Variants in IL6R observed in about 807,000 individuals in gnomAD.
IL6R encodes the protein interleukin 6 receptor.
IL6R carries 38 observed loss-of-function variants against 48.3 expected under a neutral mutation model. That is an observed-to-expected ratio of 0.79 (90% CI 0.61 to 1.03). The LOEUF is 1.03. Ranked by LOEUF, IL6R falls within the 50% of genes least tolerant of loss-of-function variation. The pLI is 0.00. For missense variants in IL6R, 534 were observed against 618.3 expected (o/e 0.86, Z 1.45); for synonymous variants, 264 against 256.2 (o/e 1.03, Z -0.29).
At chr1:154,416,703 G>T (rs1467118290) in intron 1 of IL6R, among the ~76,000 whole-genome samples, 1 of 152,128 alleles carries the variant, frequency 6.6e-6, no homozygotes, top group Non-Finnish European at 1.5e-5. Flanking sequence ...GGGGAGCGGA[G>T]GGGGTGGGGA....
At chr1:154,444,354 AT>A (rs1690096813) in intron 6 of IL6R, among the ~76,000 whole-genome samples, 1 of 152,100 alleles carries the variant, frequency 6.6e-6, no homozygotes, top group African/African-American at 2.4e-5. Context: ...GATTACAGGC[AT>A]GCGCCATCAT....
rs1030191579 is a variant in IL6R at position 154,405,822 on chromosome 1, G to A, written c.85+108G>A. On this transcript the variant is annotated intron_variant, in intron 1 of 9. Coordinates refer to ENST00000368485, the MANE Select transcript of IL6R (RefSeq NM_000565.4). This position sits in a 1 kb window ranked among gnomAD's most constrained non-coding sequence, Gnocchi z 5.2. ...CTGGAGGGAGGAAAGGAGGTGCGAC[G>A]GATCCCCTTTTCTGTGGCTGCCTTG... 4.8e-6 allele frequency: 4 copies of A among 841,912 alleles called. No individual in the cohort carries two copies. Among genetic ancestry groups the A allele is most frequent in the Non-Finnish European group, 6.9e-6 (4 of 582,654 alleles). The allele number at this position is 841,912 out of a possible 1,614,324, so 52.2% of individuals were successfully genotyped here.
chr1:154,465,104 T>C, intron 9 of IL6R, 30 bp from the exon 10 acceptor site: 1 of 1,612,654 alleles, frequency 6.2e-7, no homozygotes, highest in East Asian at 2.2e-5. Flanking sequence ...TAAAAATCTG[T>C]GTGGTTTGTC....
intron 9 of IL6R, among the ~76,000 whole-genome samples, chr1:154,457,581 C>T (rs969202853): frequency 1.3e-5 from 2 of 152,162 alleles, no homozygotes; most frequent in African/African-American, 4.8e-5. Context: ...ATCTTCGCTC[C>T]ATTTGGTCAT....
intron 3 of IL6R, among the ~76,000 whole-genome samples, chr1:154,432,662 T>A (rs1276553296): frequency 6.6e-6 from 1 of 152,230 alleles, no homozygotes; most frequent in Non-Finnish European, 1.5e-5. Flanking sequence ...CCGGCTTGAC[T>A]GGAATACTTT....
chr1:154,425,883 C>G (rs950466408), intron 1 of IL6R, among the ~76,000 whole-genome samples: 3 of 151,712 alleles, frequency 2.0e-5, no homozygotes, highest in Admixed American at 2.0e-4. Flanking sequence ...AGTTGAAGAC[C>G]AGCCTGGGCA....
At chr1:154,416,257 G>A (rs1688341694) in intron 1 of IL6R, among the ~76,000 whole-genome samples, 2 of 151,750 alleles carry the variant, frequency 1.3e-5, no homozygotes, top group Admixed American at 1.3e-4. Flanking sequence ...GGCTTTCTGA[G>A]TAGCCAGGAC....
chr1:154,414,358 G>A (rs976053154), intron 1 of IL6R: 6 of 1,354,452 alleles, frequency 4.4e-6, no homozygotes, highest in Admixed American at 1.8e-5. Context: ...CCTGTGCCTG[G>A]TGGGCTCAGA....
At chr1:154,438,388 T>C (rs917010362) in intron 6 of IL6R, among the ~76,000 whole-genome samples, 4 of 152,102 alleles carry the variant, frequency 2.6e-5, no homozygotes, top group African/African-American at 9.7e-5. Flanking sequence ...CTTGCAGCAA[T>C]CTGTTTTATT....
intron 8 of IL6R, 137 bp downstream of exon 8, chr1:154,450,117 T>G: frequency 1.7e-6 from 1 of 599,806 alleles, no homozygotes; most frequent in Non-Finnish European, 3.1e-6. Flanking sequence ...TGTGTGTGTG[T>G]GTGTGTGTGT....
At chr1:154,414,505 C>T (rs573015423) in intron 1 of IL6R, 4 of 834,508 alleles carry the variant, frequency 4.8e-6, no homozygotes, top group African/African-American at 1.7e-5. Flanking sequence ...ACCCTCACTT[C>T]TTGGTGTAGT....
At chr1:154,425,194 T>C (rs1688897227) in intron 1 of IL6R, among the ~76,000 whole-genome samples, 1 of 152,184 alleles carries the variant, frequency 6.6e-6, no homozygotes, top group Admixed American at 6.5e-5. Flanking sequence ...TTTTTACTAC[T>C]TCTTTCTTTG....
Position 154,421,897 on chromosome 1 carries a change from A to C in IL6R, c.86-7299A>C, listed in dbSNP as rs1481273394. Among the ~76,000 whole-genome samples, 4 of 152,162 alleles carry C rather than the reference A, an allele frequency of 2.6e-5. No individual in the cohort carries two copies. The East Asian group carries it at 7.7e-4, about 29-fold the overall frequency. ...CAGCCTCCCAATGTGCTGGGATGAC[A>C]GGCGTAAGCCACGATGCCTGGTGAC... On this transcript the variant is annotated intron_variant, in intron 1 of 9. Transcript: ENST00000368485.
At chr1:154,434,734 C>A in intron 4 of IL6R, 34 bp downstream of exon 4, 5 of 1,588,860 alleles carry the variant, frequency 3.1e-6, no homozygotes, top group South Asian at 1.1e-5. Context: ...CCAGCAGTTT[C>A]CTTCTCTTTT....
intron 1 of IL6R, among the ~76,000 whole-genome samples, chr1:154,423,850 GA>G (rs1037042944): frequency 1.1e-4 from 16 of 151,766 alleles, no homozygotes; most frequent in Non-Finnish European, 2.1e-4. Context: ...GTGGAAGAGG[GA>G]AAAAAAAGTA....
At chr1:154,457,448 G>T (rs1258654250) in intron 9 of IL6R, among the ~76,000 whole-genome samples, 1 of 151,980 alleles carries the variant, frequency 6.6e-6, no homozygotes, top group Non-Finnish European at 1.5e-5. Flanking sequence ...ATCAATCCAG[G>T]AACTTAAAGG....
At chr1:154,431,405 G>A (rs904436291) in intron 3 of IL6R, among the ~76,000 whole-genome samples, 1 of 152,068 alleles carries the variant, frequency 6.6e-6, no homozygotes, top group African/African-American at 2.4e-5. Context: ...GACCCCTAGT[G>A]GATGCCTGAA....
chr1:154,459,009 A>G (rs1691089968), intron 9 of IL6R, among the ~76,000 whole-genome samples: 1 of 152,158 alleles, frequency 6.6e-6, no homozygotes. Context: ...TTTATAAATG[A>G]GGAAACAGCC....
chr1:154,421,636 T>C (rs1351434789), intron 1 of IL6R, among the ~76,000 whole-genome samples: 4 of 152,194 alleles, frequency 2.6e-5, no homozygotes, highest in African/African-American at 7.2e-5. Context: ...TTTTGTTTTT[T>C]TGAGACACAG....
Sources: allele counts gnomAD v4.1 joint callset (sites outside exome capture counted in the v4.1 genomes callset), GRCh38; gene constraint gnomAD v4.1.1; non-coding constraint Gnocchi (gnomAD v3.1); transcripts MANE v1.5; gene names NCBI Gene and HGNC (gene_info 2026-07-23, HGNC 2026-07-21).